MYO1D: variants seen among roughly 807,000 people sequenced by gnomAD.
MYO1D encodes the protein myosin ID.
MYO1D carries 83 observed loss-of-function variants against 122.0 expected under a neutral mutation model. That is an observed-to-expected ratio of 0.68 (90% CI 0.57 to 0.82). MYO1D has a LOEUF of 0.82. MYO1D is among the 40% of genes least tolerant of loss of function. The pLI, the probability that MYO1D is intolerant of heterozygous loss-of-function variation, is 0.00. For missense variants in MYO1D, 1,157 were observed against 1,269.5 expected, an observed-to-expected ratio of 0.91 and a Z score of 1.35; for synonymous variants, 464 against 446.9, an observed-to-expected ratio of 1.04 and a Z score of -0.48.
chr17:32,586,394 T>C (rs1466631801), intron 21 of MYO1D, among the ~76,000 whole-genome samples: 1 of 152,192 alleles, frequency 6.6e-6, no homozygotes. Context: ...TCCTATTCCC[T>C]ATGTGTGCAA....
At chr17:32,656,505 G>T (rs2088478820) in intron 17 of MYO1D, among the ~76,000 whole-genome samples, 1 of 152,196 alleles carries the variant, frequency 6.6e-6, no homozygotes, top group Non-Finnish European at 1.5e-5. Context: ...GGCAGGAGAT[G>T]AAGGATTTTA....
chr17:32,597,480 C>T (rs767668718), intron 21 of MYO1D, among the ~76,000 whole-genome samples: 1 of 112,024 alleles, frequency 8.9e-6, no homozygotes, highest in African/African-American at 3.5e-5. Flanking sequence ...TAGCATATCA[C>T]CATTTTTGTA....
chr17:32,669,483 T>TCTAC (rs1330551025), intron 16 of MYO1D, among the ~76,000 whole-genome samples: 6 of 152,204 alleles, frequency 3.9e-5, no homozygotes, highest in Non-Finnish European at 2.9e-5. Flanking sequence ...AGACCCTGAG[T>TCTAC]CTACCACTTC....
chr17:32,661,942 T>G (rs2088571693), intron 16 of MYO1D, among the ~76,000 whole-genome samples: 1 of 152,196 alleles, frequency 6.6e-6, no homozygotes, highest in Non-Finnish European at 1.5e-5. Context: ...TGTTCTTTCT[T>G]TATTGTGTGT....
At chr17:32,553,404 G>A (rs1391798652) in intron 21 of MYO1D, among the ~76,000 whole-genome samples, 2 of 152,190 alleles carry the variant, frequency 1.3e-5, no homozygotes, top group Middle Eastern at 3.2e-3. Context: ...TGGCTCACCA[G>A]GAAGAGCAGG....
chr17:32,748,881 T>C (rs929523457), intron 12 of MYO1D, 55 bp downstream of exon 12: 2 of 1,482,954 alleles, frequency 1.3e-6, no homozygotes, highest in African/African-American at 2.8e-5. Context: ...CTGGTTGTAT[T>C]TTCTAAAGTG....
chr17:32,724,092 T>A (rs192455278), intron 14 of MYO1D, among the ~76,000 whole-genome samples: 119 of 152,282 alleles, frequency 7.8e-4, no homozygotes, highest in African/African-American at 2.6e-3. Flanking sequence ...GTAAGTTTTT[T>A]AAAAAACTTA....
intron 21 of MYO1D, among the ~76,000 whole-genome samples, chr17:32,495,185 C>A (rs546813299): frequency 6.6e-6 from 1 of 152,168 alleles, no homozygotes; most frequent in African/African-American, 2.4e-5. Context: ...GTTGAACAGA[C>A]GCCACCAGGT....
chr17:32,830,693 C>T (rs1402516838), intron 1 of MYO1D, among the ~76,000 whole-genome samples: 1 of 152,148 alleles, frequency 6.6e-6, no homozygotes, highest in Non-Finnish European at 1.5e-5. Flanking sequence ...GCATGGTTAT[C>T]ACTACATGGA....
intron 21 of MYO1D, among the ~76,000 whole-genome samples, chr17:32,577,306 G>GT (rs2087288024): frequency 6.6e-6 from 1 of 150,990 alleles, no homozygotes; most frequent in Admixed American, 6.6e-5. Context: ...TTTATTTTGT[G>GT]TTTTTTGTAG....
chr17:32,524,296 GAA>G (rs1910261419), intron 21 of MYO1D, among the ~76,000 whole-genome samples: 1 of 152,218 alleles, frequency 6.6e-6, no homozygotes, highest in Admixed American at 6.5e-5. Flanking sequence ...CTATTGGTGA[GAA>G]AGTCTCAGTC....
chr17:32,592,020 T>G (rs1419957506), intron 21 of MYO1D, among the ~76,000 whole-genome samples: 2 of 152,248 alleles, frequency 1.3e-5, no homozygotes, highest in Non-Finnish European at 2.9e-5. Flanking sequence ...TAATCATGTT[T>G]GTTTTGATGA....
At chr17:32,870,816 C>T (rs569452734) in intron 1 of MYO1D, among the ~76,000 whole-genome samples, 1 of 152,290 alleles carries the variant, frequency 6.6e-6, no homozygotes, top group Admixed American at 6.5e-5. Flanking sequence ...TTTTATTCTG[C>T]ATTCATGATT....
intron 21 of MYO1D, among the ~76,000 whole-genome samples, chr17:32,600,291 C>A (rs2087547625): frequency 6.6e-6 from 1 of 152,168 alleles, no homozygotes. Context: ...ATTTTTGGAA[C>A]AGTCAGTGAG....
chr17:32,650,806 T>A (rs1476365956), intron 19 of MYO1D, among the ~76,000 whole-genome samples: 1 of 152,210 alleles, frequency 6.6e-6, no homozygotes, highest in Non-Finnish European at 1.5e-5. Context: ...TTTCTGAAGA[T>A]ATGGAATACA....
At chr17:32,672,783 T>C (rs1249665441) in intron 16 of MYO1D, among the ~76,000 whole-genome samples, 1 of 152,060 alleles carries the variant, frequency 6.6e-6, no homozygotes, top group African/African-American at 2.4e-5. Flanking sequence ...AAGTGTTGAA[T>C]TGAGTGTGAT....
chr17:32,872,038 G>A (rs1024934635), intron 1 of MYO1D, among the ~76,000 whole-genome samples: 3 of 152,152 alleles, frequency 2.0e-5, no homozygotes, highest in African/African-American at 7.2e-5. Context: ...AAGCAGGCAG[G>A]ACTCATACAG....
chr17:32,713,828 T>G (rs2089409447), intron 15 of MYO1D, among the ~76,000 whole-genome samples: 1 of 152,116 alleles, frequency 6.6e-6, no homozygotes, highest in Non-Finnish European at 1.5e-5. Context: ...TTTACCATGT[T>G]GGCCAGGCTG....
At position 32,772,849 on chromosome 17, in the gene MYO1D, A is replaced by G. The variant is rs778416490; in HGVS notation, c.565-7T>C. ...GTTGCACAATCACTCGAGACTAAGA[A>G]AAAACACATTAAAATGGTTAACCCG... is the stretch of plus-strand genomic sequence containing the variant. On this transcript the variant is annotated splice_polypyrimidine_tract_variant and splice_region_variant and intron_variant, in intron 4 of 21. Transcript: ENST00000318217. The G allele has an allele frequency of 2.5e-6, 4 of 1,612,930 alleles. No individual in the cohort carries two copies. In the South Asian group the frequency reaches 4.4e-5, roughly 18 times the overall value.
Sources: gnomAD v4.1 joint callset for allele counts (sites outside exome capture counted in the v4.1 genomes callset) on GRCh38, gnomAD v4.1.1 for gene constraint, MANE v1.5 for transcripts, NCBI Gene and HGNC (gene_info 2026-07-23, HGNC 2026-07-21) for gene names.